The following CCDC192 variants were observed in gnomAD, a reference collection of about 807,000 sequenced individuals.
CCDC192 encodes the protein coiled-coil domain-containing protein 192.
intron 4 of CCDC192, among the ~76,000 whole-genome samples, chr5:127,797,775 A>ATATATATATT (rs1757259786): frequency 7.8e-6 from 1 of 127,484 alleles, no homozygotes; most frequent in Non-Finnish European, 1.6e-5. Context: ...ATATATATAT[A>ATATATATATT]TATTTATTTA....
At chr5:127,923,359 A>G (rs1753776985) in intron 6 of CCDC192, among the ~76,000 whole-genome samples, 2 of 151,432 alleles carry the variant, frequency 1.3e-5, no homozygotes, top group South Asian at 4.2e-4. Context: ...CCATTTCAGA[A>G]TGCTAATTTT....
chr5:127,717,928 C>CAAAAAAAAAAAAAAAAGAAAAAA (rs1751719821), intron 2 of CCDC192, among the ~76,000 whole-genome samples: 3 of 98,074 alleles, frequency 3.1e-5, no homozygotes, highest in Non-Finnish European at 4.1e-5. Context: ...TAAAGCTAGA[C>CAAAAAAAAAAAAAAAAGAAAAAA]AAAAAAAAAA....
chr5:127,774,188 A>G (rs554682772), intron 3 of CCDC192, among the ~76,000 whole-genome samples: 7 of 151,362 alleles, frequency 4.6e-5, no homozygotes, highest in African/African-American at 1.5e-4. Flanking sequence ...ATTTGCAAAT[A>G]TTTTCTCACA....
intron 5 of CCDC192, among the ~76,000 whole-genome samples, chr5:127,823,987 T>G (rs1228503388): frequency 6.6e-6 from 1 of 152,186 alleles, no homozygotes; most frequent in Non-Finnish European, 1.5e-5. Context: ...CCACATCAGC[T>G]GTGTGTGCAC....
intron 5 of CCDC192, among the ~76,000 whole-genome samples, chr5:127,849,842 C>T (rs1171492925): frequency 1.3e-5 from 2 of 152,204 alleles, no homozygotes; most frequent in African/African-American, 2.4e-5. Flanking sequence ...GAAGAAGAAT[C>T]TCTCAGGATA....
intron 5 of CCDC192, among the ~76,000 whole-genome samples, chr5:127,827,679 C>T (rs961083583): frequency 9.2e-5 from 14 of 152,300 alleles, no homozygotes; most frequent in Non-Finnish European, 1.9e-4. Flanking sequence ...CCAGAGACAG[C>T]TGTACAATGT....
chr5:127,809,212 T>C (rs1305153582), intron 5 of CCDC192, among the ~76,000 whole-genome samples: 5 of 152,136 alleles, frequency 3.3e-5, no homozygotes, highest in Non-Finnish European at 7.4e-5. Flanking sequence ...TCTGAGATTG[T>C]TAATAAGATG....
chr5:127,898,018 G>T (rs1752940805), intron 6 of CCDC192, among the ~76,000 whole-genome samples: 1 of 151,970 alleles, frequency 6.6e-6, no homozygotes, highest in Non-Finnish European at 1.5e-5. Flanking sequence ...CTTAAGAACT[G>T]CTTAGCTTAA....
At chr5:127,908,259 A>G (rs938959016) in intron 6 of CCDC192, among the ~76,000 whole-genome samples, 1 of 152,332 alleles carries the variant, frequency 6.6e-6, no homozygotes, top group East Asian at 1.9e-4. Context: ...TAATAATCCA[A>G]ACACATTTAT....
intron 3 of CCDC192, among the ~76,000 whole-genome samples, chr5:127,760,323 A>T (rs1452149416): frequency 6.7e-6 from 1 of 148,740 alleles, no homozygotes; most frequent in African/African-American, 2.5e-5. Context: ...AAGGTTTTTT[A>T]AGACTGGGAA....
At chr5:127,756,749 G>A (rs974789733) in intron 3 of CCDC192, among the ~76,000 whole-genome samples, 1 of 152,250 alleles carries the variant, frequency 6.6e-6, no homozygotes, top group African/African-American at 2.4e-5. Context: ...GGAAAGGGCT[G>A]TTATCAATTT....
chr5:127,890,954 T>A (rs1469476143), intron 6 of CCDC192, among the ~76,000 whole-genome samples: 1 of 152,184 alleles, frequency 6.6e-6, no homozygotes, highest in East Asian at 1.9e-4. Flanking sequence ...CAGCCATGTT[T>A]TTTTCCCCAT....
intron 2 of CCDC192, among the ~76,000 whole-genome samples, chr5:127,720,809 G>T (rs1751977874): frequency 1.3e-5 from 2 of 152,170 alleles, no homozygotes; most frequent in African/African-American, 4.8e-5. Flanking sequence ...CTTACAACTT[G>T]TACCCTCTGA....
intron 2 of CCDC192, among the ~76,000 whole-genome samples, chr5:127,718,186 C>G (rs1326875192): frequency 2.6e-5 from 4 of 151,978 alleles, no homozygotes; most frequent in Admixed American, 2.6e-4. Context: ...CATGATAGTG[C>G]AAATGTATAA....
chr5:127,863,375 T>A (rs1278652742), intron 5 of CCDC192, among the ~76,000 whole-genome samples: 1 of 152,186 alleles, frequency 6.6e-6, no homozygotes, highest in Admixed American at 6.5e-5. Context: ...AGTGCTAGAT[T>A]TGTAATGGAG....
chr5:127,764,802 C>T (rs1755127377), intron 3 of CCDC192, among the ~76,000 whole-genome samples: 1 of 152,064 alleles, frequency 6.6e-6, no homozygotes, highest in Non-Finnish European at 1.5e-5. Flanking sequence ...TGTATTGGGC[C>T]ACATTCCATG....
intron 5 of CCDC192, among the ~76,000 whole-genome samples, chr5:127,850,742 A>C (rs1182870368): frequency 6.6e-6 from 1 of 152,060 alleles, no homozygotes; most frequent in Non-Finnish European, 1.5e-5. Flanking sequence ...GAGGCAGGCA[A>C]ATCACCTGAG....
chr5:127,711,998 C>CA (rs1212856227), intron 2 of CCDC192, among the ~76,000 whole-genome samples: 1 of 152,196 alleles, frequency 6.6e-6, no homozygotes, highest in Non-Finnish European at 1.5e-5. Flanking sequence ...CTACCACCCT[C>CA]AAAAGTTACT....
At chr5:127,800,399 A>AC (rs1757436159) in intron 5 of CCDC192, among the ~76,000 whole-genome samples, 1 of 109,252 alleles carries the variant, frequency 9.2e-6, no homozygotes, top group Admixed American at 1.2e-4. Context: ...AAAAAAAAAA[A>AC]AACAACAACA....
Sources: gnomAD v4.1 joint callset for allele counts (sites outside exome capture counted in the v4.1 genomes callset) on GRCh38, gnomAD v4.1.1 for gene constraint, MANE v1.5 for transcripts, NCBI Gene and HGNC (gene_info 2026-07-23, HGNC 2026-07-21) for gene names.